The following ROBO2 variants were observed in gnomAD, a reference collection of about 807,000 sequenced individuals.
ROBO2 encodes roundabout homolog 2.
A neutral mutation model predicts 160.8 loss-of-function variants in ROBO2; 53 were observed. The observed-to-expected ratio is 0.33, with a 90% confidence interval of 0.26 to 0.41. The LOEUF (loss-of-function observed/expected upper bound fraction) is 0.41, where lower values mean the gene tolerates loss of function less well. Among genes scored for constraint, ROBO2 ranks in the 10% least tolerant of loss-of-function variants. The probability of loss-of-function intolerance (pLI) is 1.00; values close to 1 mark genes in which losing one functional copy is unlikely to be tolerated. For synonymous variants in ROBO2, 664 were observed against 611.7 expected (o/e 1.09, Z -1.26); for missense variants, 1,577 against 1,722.4 (o/e 0.92, Z 1.49).
At chr3:77,640,875 G>T (rs1191400253) in intron 24 of ROBO2, among the ~76,000 whole-genome samples, 1 of 152,128 alleles carries the variant, frequency 6.6e-6, no homozygotes, top group Non-Finnish European at 1.5e-5. Context: ...TACTTATGAA[G>T]CTATATAATT....
intron 2 of ROBO2, among the ~76,000 whole-genome samples, chr3:76,360,011 G>C (rs1291113909): frequency 6.6e-6 from 1 of 152,048 alleles, no homozygotes; most frequent in Non-Finnish European, 1.5e-5. Context: ...ACCCTGAATT[G>C]ATTGAGAAGT....
intron 2 of ROBO2, among the ~76,000 whole-genome samples, chr3:76,841,976 A>G (rs987840436): frequency 5.9e-5 from 9 of 152,196 alleles, no homozygotes; most frequent in African/African-American, 2.2e-4. Flanking sequence ...GGATAAAACC[A>G]CAGTCTAAAC....
intron 2 of ROBO2, among the ~76,000 whole-genome samples, chr3:76,685,602 A>G (rs2092669044): frequency 1.3e-5 from 2 of 152,028 alleles, no homozygotes; most frequent in Admixed American, 1.3e-4. Flanking sequence ...GGTTTTTCCA[A>G]TTCTTTAAAA....
chr3:76,664,370 G>A (rs139778191), intron 2 of ROBO2, among the ~76,000 whole-genome samples: 1 of 152,078 alleles, frequency 6.6e-6, no homozygotes, highest in Non-Finnish European at 1.5e-5. Context: ...ATTGATACCA[G>A]GAAGAATCAT....
intron 2 of ROBO2, among the ~76,000 whole-genome samples, chr3:76,273,654 A>G (rs766173178): frequency 3.9e-5 from 6 of 152,090 alleles, no homozygotes; most frequent in Non-Finnish European, 8.8e-5. Context: ...ACTCACGATC[A>G]TGAGAACTCA....
intron 2 of ROBO2, among the ~76,000 whole-genome samples, chr3:76,473,826 T>C (rs529909771): frequency 6.6e-6 from 1 of 152,262 alleles, no homozygotes; most frequent in South Asian, 2.1e-4. Flanking sequence ...GAGCTATGAA[T>C]GTAGGTTGCA....
chr3:76,963,870 TAAAAAG>T (rs552745492), intron 2 of ROBO2, among the ~76,000 whole-genome samples: 335 of 133,946 alleles, frequency 2.5e-3, no homozygotes, highest in Non-Finnish European at 2.4e-3. Flanking sequence ...AAAAAAGAAA[TAAAAAG>T]AAAAAGAAAA....
chr3:77,013,188 T>C (rs895007114), intron 2 of ROBO2, among the ~76,000 whole-genome samples: 2 of 152,134 alleles, frequency 1.3e-5, no homozygotes, highest in African/African-American at 2.4e-5. Context: ...ATCCTTAATC[T>C]AATAAGAATT....
At chr3:76,186,318 C>T (rs1380823162) in intron 2 of ROBO2, among the ~76,000 whole-genome samples, 1 of 151,960 alleles carries the variant, frequency 6.6e-6, no homozygotes, top group Non-Finnish European at 1.5e-5. Flanking sequence ...GAGAATTAAG[C>T]CGTGTCATAG....
intron 2 of ROBO2, among the ~76,000 whole-genome samples, chr3:77,272,613 G>A (rs570248916): frequency 6.6e-6 from 1 of 152,130 alleles, no homozygotes; most frequent in African/African-American, 2.4e-5. Context: ...TAAGCAAAAT[G>A]TAAAATTGTT....
intron 2 of ROBO2, among the ~76,000 whole-genome samples, chr3:77,170,629 A>G (rs2079545255): frequency 6.6e-6 from 1 of 152,054 alleles, no homozygotes; most frequent in South Asian, 2.1e-4. Context: ...ATCTGGTCCT[A>G]TTTTGCCCTA....
chr3:77,493,022 T>A (rs1016831832), intron 4 of ROBO2, among the ~76,000 whole-genome samples: 3 of 152,194 alleles, frequency 2.0e-5, no homozygotes, highest in Non-Finnish European at 4.4e-5. Context: ...CCAAAGGTTG[T>A]ATGGTCTTAT....
At chr3:76,788,156 C>A (rs886701956) in intron 2 of ROBO2, among the ~76,000 whole-genome samples, 2 of 151,152 alleles carry the variant, frequency 1.3e-5, no homozygotes, top group Non-Finnish European at 3.0e-5. Context: ...GAAAGGAGAT[C>A]ATATTTGTTG....
intron 2 of ROBO2, among the ~76,000 whole-genome samples, chr3:76,464,709 A>T (rs188688894): frequency 5.3e-4 from 80 of 152,292 alleles, no homozygotes; most frequent in Admixed American, 9.8e-4. Context: ...GAAATGAGGG[A>T]AAATTTAGTT....
chr3:76,881,622 T>C (rs936627752), intron 2 of ROBO2, among the ~76,000 whole-genome samples: 27 of 152,228 alleles, frequency 1.8e-4, no homozygotes. Context: ...GAATACAAAA[T>C]ATGTATTTTC....
At chr3:76,497,374 T>A (rs1192598451) in intron 2 of ROBO2, among the ~76,000 whole-genome samples, 1 of 152,142 alleles carries the variant, frequency 6.6e-6, no homozygotes, top group African/African-American at 2.4e-5. Flanking sequence ...TTTGTTTAAT[T>A]TTTTAAAGAT....
At chr3:76,623,744 T>C (rs2089407049) in intron 2 of ROBO2, among the ~76,000 whole-genome samples, 1 of 152,220 alleles carries the variant, frequency 6.6e-6, no homozygotes, top group African/African-American at 2.4e-5. Flanking sequence ...GTGCCGACTC[T>C]TTTAAAGTGC....
intron 2 of ROBO2, among the ~76,000 whole-genome samples, chr3:76,855,213 C>T (rs563423517): frequency 3.9e-5 from 6 of 152,258 alleles, no homozygotes; most frequent in Admixed American, 1.3e-4. Context: ...TGTTATCCTC[C>T]ATTTAAATTA....
chr3:76,092,511 A>G (rs1396403246), intron 2 of ROBO2, among the ~76,000 whole-genome samples: 1 of 152,122 alleles, frequency 6.6e-6, no homozygotes, highest in African/African-American at 2.4e-5. Flanking sequence ...TAAGTTAAAG[A>G]ATTAAGAATC....
Sources: gnomAD v4.1 joint callset for allele counts (sites outside exome capture counted in the v4.1 genomes callset) on GRCh38, gnomAD v4.1.1 for gene constraint, MANE v1.5 for transcripts, NCBI Gene and HGNC (gene_info 2026-07-23, HGNC 2026-07-21) for gene names.